Variants in FAM133B observed in about 807,000 individuals in gnomAD.
FAM133B encodes protein FAM133B.
In FAM133B, 25 loss-of-function variants were observed where a neutral mutation model predicts 46.4. The ratio of observed to expected loss-of-function variants is 0.54; its 90% CI spans 0.39 to 0.75. The LOEUF (loss-of-function observed/expected upper bound fraction) is 0.75. FAM133B is among the 30% of genes least tolerant of loss of function. The pLI, the probability that FAM133B is intolerant of heterozygous loss-of-function variation, is 0.00. For missense variants in FAM133B, 205 were observed against 277.6 expected, an observed-to-expected ratio of 0.74 and a Z score of 1.86; for synonymous variants, 75 against 86.0, an observed-to-expected ratio of 0.87 and a Z score of 0.71.
At chr7:92,578,261 T>C in intron 4 of FAM133B, 58 bp downstream of exon 4, 3 of 1,602,108 alleles carry the variant, frequency 1.9e-6, no homozygotes, top group Non-Finnish European at 2.6e-6. Context: ...GTATACAGCA[T>C]TATTATGAAA....
At chr7:92,564,051 T>C (rs1249473665) in intron 10 of FAM133B, among the ~76,000 whole-genome samples, 1 of 152,262 alleles carries the variant, frequency 6.6e-6, no homozygotes, top group Non-Finnish European at 1.5e-5. Context: ...AAACACACTC[T>C]GCTGTGTAAT....
chr7:92,568,287 CG>C (rs1426637221), intron 9 of FAM133B, among the ~76,000 whole-genome samples: 1 of 151,824 alleles, frequency 6.6e-6, no homozygotes, highest in Non-Finnish European at 1.5e-5. Flanking sequence ...TTTTGAAGGG[CG>C]TATGTAATAT....
chr7:92,590,330 C>G lies in FAM133B; in HGVS notation c.-39G>C, dbSNP rs11558505. The G allele has an allele frequency of 1.9e-6, 3 of 1,613,238 alleles. No individual in the cohort carries two copies. Among genetic ancestry groups the G allele is most frequent in the East Asian group, 2.2e-5 (1 of 44,850 alleles). ...GCGCACAGTAGCACGCCGAGGGAAACCGGGCCGGAGAGACTGCCGAAGAGG... is the reference window on the plus strand; with the variant it reads ...GCGCACAGTAGCACGCCGAGGGAAAGCGGGCCGGAGAGACTGCCGAAGAGG... On this transcript the variant is annotated 5_prime_UTR_variant, in exon 1 of 11. Transcript: ENST00000445716.
In FAM133B at chr7:92,590,357, C is replaced by T. The variant is rs936839383; in HGVS notation, c.-66G>A. On this transcript the variant is annotated 5_prime_UTR_variant, in exon 1 of 11. Transcript: ENST00000445716. ...GGGCCGGAGAGACTGCCGAAGAGGG[C>T]CTGCCGCAGGTCCTCTTGCCGCCTC... is the stretch of plus-strand genomic sequence containing the variant. 6.8e-6 allele frequency: 11 copies of T among 1,609,078 alleles called. No individual in the cohort carries two copies. The highest frequency in any genetic ancestry group is 1.7e-5 in the Admixed American group (1 of 59,562).
At chr7:92,586,439 A>G (rs531262257) in intron 1 of FAM133B, among the ~76,000 whole-genome samples, 6 of 152,242 alleles carry the variant, frequency 3.9e-5, no homozygotes, top group African/African-American at 1.4e-4. Flanking sequence ...TTTTTGTATC[A>G]GTGTGAAAAA....
chr7:92,572,402 A>T (rs1226747829), intron 8 of FAM133B, among the ~76,000 whole-genome samples: 1 of 152,228 alleles, frequency 6.6e-6, no homozygotes, highest in Non-Finnish European at 1.5e-5. Context: ...TAGAAATTAC[A>T]GTCCAAAGTA....
In FAM133B at chr7:92,567,399, C is replaced by T. The variant is rs553821519; in HGVS notation, c.610-1338G>A. ...TATAAATTTGCCTAATGTTGAATTG[C>T]GTGGTTTTGCTGCTAAGTGACTACG... On this transcript the variant is annotated intron_variant, in intron 9 of 10. Coordinates refer to ENST00000445716, the MANE Select transcript of FAM133B (RefSeq NM_152789.4). 6.6e-5 allele frequency among the ~76,000 whole-genome samples: 10 copies of T among 152,132 alleles called. No homozygotes were observed. In the South Asian group the frequency reaches 1.5e-3, roughly 22 times the overall value.
chr7:92,584,677 A>G (rs995185854), intron 1 of FAM133B, among the ~76,000 whole-genome samples: 5 of 152,232 alleles, frequency 3.3e-5, no homozygotes, highest in African/African-American at 4.8e-5. Context: ...ATACCCTCAA[A>G]TATTTCATTC....
At chr7:92,565,606 GGT>G in intron 10 of FAM133B, 1 of 168,734 alleles carries the variant, frequency 5.9e-6, no homozygotes, top group South Asian at 1.5e-4. Context: ...TGGGACTATA[GGT>G]GCCCGCCACC....
chr7:92,581,799 TG>T, intron 1 of FAM133B, 196 bp from the exon 2 acceptor site: 1 of 148,380 alleles, frequency 6.7e-6, no homozygotes. Flanking sequence ...GAAAATTGTG[TG>T]TGTGTGTGTG....
At chr7:92,573,173 T>C (rs1485982202) in intron 8 of FAM133B, among the ~76,000 whole-genome samples, 2 of 151,156 alleles carry the variant, frequency 1.3e-5, no homozygotes, top group East Asian at 3.9e-4. Flanking sequence ...CTTTTTTTTT[T>C]TTTTTTTTTT....
chr7:92,565,589 G>A (rs1474449202), intron 10 of FAM133B: 4 of 160,978 alleles, frequency 2.5e-5, no homozygotes, highest in East Asian at 1.7e-4. Flanking sequence ...TCAGCCTCCC[G>A]AGTAGCTGGG....
At chr7:92,588,108 G>T (rs755108388) in intron 1 of FAM133B, among the ~76,000 whole-genome samples, 2 of 152,118 alleles carry the variant, frequency 1.3e-5, no homozygotes, top group Admixed American at 6.5e-5. Context: ...TAGACAATCC[G>T]TGTCTTCTAC....
chr7:92,590,158 C>A, intron 1 of FAM133B, 110 bp downstream of exon 1: 2 of 1,556,504 alleles, frequency 1.3e-6, no homozygotes, highest in East Asian at 2.3e-5. Flanking sequence ...CCAGGCCCCA[C>A]GTCTGAGGGC....
At chr7:92,565,146 T>C (rs1455304651) in intron 10 of FAM133B, among the ~76,000 whole-genome samples, 1 of 143,676 alleles carries the variant, frequency 7.0e-6, no homozygotes, top group African/African-American at 2.7e-5. Flanking sequence ...TGAGCTTATA[T>C]TTCTTTTTTT....
chr7:92,569,709 A>G (rs1373150534), intron 9 of FAM133B, 114 bp downstream of exon 9: 8 of 510,142 alleles, frequency 1.6e-5, no homozygotes, highest in Middle Eastern at 5.7e-4. Context: ...TTGTTTTTTC[A>G]TACTAGAAAG....
intron 1 of FAM133B, among the ~76,000 whole-genome samples, chr7:92,582,236 G>T (rs554670041): frequency 7.1e-6 from 1 of 140,144 alleles, no homozygotes; most frequent in African/African-American, 2.7e-5. Flanking sequence ...GCGACAGAGC[G>T]ACTCCCTCTC....
chr7:92,588,716 G>A (rs1795104290), intron 1 of FAM133B, among the ~76,000 whole-genome samples: 1 of 152,126 alleles, frequency 6.6e-6, no homozygotes, highest in African/African-American at 2.4e-5. Context: ...TCATGGGGGC[G>A]GAGTTCTCAT....
chr7:92,582,707 T>C (rs1562897463), intron 1 of FAM133B, among the ~76,000 whole-genome samples: 1 of 152,142 alleles, frequency 6.6e-6, no homozygotes, highest in Non-Finnish European at 1.5e-5. Flanking sequence ...AGAAGGTATA[T>C]AGTAAATGGC....
Sources: gnomAD v4.1 joint callset for allele counts (sites outside exome capture counted in the v4.1 genomes callset) on GRCh38, gnomAD v4.1.1 for gene constraint, MANE v1.5 for transcripts, NCBI Gene and HGNC (gene_info 2026-07-23, HGNC 2026-07-21) for gene names.